The following CSMD3 variants were observed in gnomAD, a reference collection of about 807,000 sequenced individuals.
CSMD3 encodes CUB and Sushi multiple domains 3.
Under a neutral mutation model 435.2 loss-of-function variants are expected in CSMD3, and 177 were observed. That is an observed-to-expected ratio of 0.41 (90% CI 0.36 to 0.46). The LOEUF (loss-of-function observed/expected upper bound fraction) is 0.46. CSMD3 is among the 20% of genes least tolerant of loss of function. The probability of loss-of-function intolerance (pLI) is 0.34; values close to 1 mark genes in which losing one functional copy is unlikely to be tolerated. For missense variants in CSMD3, 4,265 were observed against 4,504.6 expected, an observed-to-expected ratio of 0.95 and a Z score of 1.52; for synonymous variants, 1,656 against 1,520.5, an observed-to-expected ratio of 1.09 and a Z score of -2.07.
At chr8:112,570,522 T>C (rs6981125) in intron 24 of CSMD3, among the ~76,000 whole-genome samples, 35,587 of 152,122 alleles carry the variant, frequency 0.23, 4,596 homozygotes, top group East Asian at 0.47. Flanking sequence ...CAGTAGGACA[T>C]GCACAAAATA....
chr8:112,293,506 A>G (rs1302759972), intron 54 of CSMD3, among the ~76,000 whole-genome samples: 1 of 152,116 alleles, frequency 6.6e-6, no homozygotes, highest in African/African-American at 2.4e-5. Flanking sequence ...GAAAATAGAA[A>G]ATGATACACA....
intron 27 of CSMD3, among the ~76,000 whole-genome samples, chr8:112,533,318 A>C (rs1825722092): frequency 6.6e-6 from 1 of 152,064 alleles, no homozygotes; most frequent in Non-Finnish European, 1.5e-5. Flanking sequence ...TTCAATTGAA[A>C]AACAAAGTGG....
intron 18 of CSMD3, among the ~76,000 whole-genome samples, chr8:112,651,625 C>T (rs1283730283): frequency 3.3e-5 from 5 of 151,520 alleles, no homozygotes; most frequent in African/African-American, 1.2e-4. Context: ...GTGACCTTCA[C>T]CTGCCGGGTT....
At chr8:112,643,259 TC>T (rs35743990) in intron 20 of CSMD3, among the ~76,000 whole-genome samples, 1 of 152,056 alleles carries the variant, frequency 6.6e-6, no homozygotes, top group Admixed American at 6.6e-5. Context: ...GAGGAATTTG[TC>T]CCAAGGAGTA....
chr8:112,305,488 T>C (rs1448923752), intron 51 of CSMD3, among the ~76,000 whole-genome samples: 1 of 152,096 alleles, frequency 6.6e-6, no homozygotes, highest in African/African-American at 2.4e-5. Context: ...ACCAAATCTT[T>C]ACCAGAATTA....
chr8:113,158,289 G>A (rs1034633443), intron 4 of CSMD3, among the ~76,000 whole-genome samples: 5 of 152,002 alleles, frequency 3.3e-5, no homozygotes, highest in Admixed American at 6.6e-5. Flanking sequence ...CATGAGTGTA[G>A]GGGCAGCAAA....
intron 13 of CSMD3, among the ~76,000 whole-genome samples, chr8:112,755,871 A>C (rs917198423): frequency 6.7e-6 from 1 of 149,494 alleles, no homozygotes; most frequent in African/African-American, 2.4e-5. Flanking sequence ...CAAGGAAGAA[A>C]ATACTTATAA....
rs1412647110 is a variant in CSMD3, at chr8:112,494,480, TTGTTTCTTTCTCTC to T, written c.5084-1811_5084-1798del. Among the ~76,000 whole-genome samples, 158 of 104,950 alleles carry T rather than the reference TTGTTTCTTTCTCTC, an allele frequency of 1.5e-3. 6 individuals are homozygous for T. Among genetic ancestry groups the T allele is most frequent in the Middle Eastern group, 8.1e-3 (1 of 124 alleles). 68.9% of individuals were successfully genotyped at this position (104,950 alleles called of 152,430 possible). On this transcript the variant is annotated intron_variant, in intron 30 of 70. Coordinates refer to ENST00000297405, the MANE Select transcript of CSMD3 (RefSeq NM_198123.2). ...TTCTCTCCTTTCTCTTTCTTTTCTT[TTGTTTCTTTCTCTC>T]CTTTCTTTCTTTCTTTCTTTCTTTC... is the stretch of plus-strand genomic sequence containing the variant.
At chr8:112,529,337 C>T (rs111731023) in intron 27 of CSMD3, among the ~76,000 whole-genome samples, 2 of 152,126 alleles carry the variant, frequency 1.3e-5, no homozygotes, top group African/African-American at 4.8e-5. Flanking sequence ...GTGGCTCACA[C>T]CTATAATCCT....
chr8:112,487,895 C>T (rs1820296563), intron 31 of CSMD3, among the ~76,000 whole-genome samples: 1 of 152,074 alleles, frequency 6.6e-6, no homozygotes, highest in East Asian at 1.9e-4. Context: ...TTCAGTATGA[C>T]TGTATATAAG....
chr8:112,370,196 G>T (rs1259900333), intron 38 of CSMD3, among the ~76,000 whole-genome samples: 1 of 152,006 alleles, frequency 6.6e-6, no homozygotes, highest in Admixed American at 6.6e-5. Context: ...TCATTGTTTT[G>T]TTTTGTTTTT....
chr8:113,310,130 T>G (rs531746483), intron 2 of CSMD3: 1 of 152,274 alleles, frequency 6.6e-6, no homozygotes, highest in South Asian at 2.1e-4. Context: ...TAAAAGTTTT[T>G]GTACTCAAGT....
chr8:113,188,114 G>A (rs1046552834), intron 3 of CSMD3, among the ~76,000 whole-genome samples: 4 of 151,900 alleles, frequency 2.6e-5, no homozygotes, highest in East Asian at 1.9e-4. Flanking sequence ...CACACAGGAA[G>A]CAATAGTTTT....
At chr8:112,974,596 T>C (rs1350009372) in intron 7 of CSMD3, among the ~76,000 whole-genome samples, 3 of 151,844 alleles carry the variant, frequency 2.0e-5, no homozygotes, top group Non-Finnish European at 2.9e-5. Context: ...TTATAAATGG[T>C]AATATTTATA....
chr8:113,337,920 G>C (rs955470705), intron 1 of CSMD3, among the ~76,000 whole-genome samples: 2 of 151,782 alleles, frequency 1.3e-5, no homozygotes, highest in Non-Finnish European at 2.9e-5. Flanking sequence ...TCCATAATAT[G>C]TATTTGAAAA....
chr8:113,085,482 G>A (rs540899814), intron 5 of CSMD3, among the ~76,000 whole-genome samples: 2 of 152,140 alleles, frequency 1.3e-5, no homozygotes, highest in Non-Finnish European at 2.9e-5. Context: ...GCATCTTCAT[G>A]TGTACTGCAG....
intron 13 of CSMD3, among the ~76,000 whole-genome samples, chr8:112,770,288 G>A (rs1210470008): frequency 2.0e-5 from 3 of 151,942 alleles, no homozygotes; most frequent in Non-Finnish European, 2.9e-5. Context: ...TTTAATGCCT[G>A]TGTAAAAAAG....
At chr8:112,496,110 C>T (rs1821312780) in intron 30 of CSMD3, among the ~76,000 whole-genome samples, 1 of 152,000 alleles carries the variant, frequency 6.6e-6, no homozygotes, top group Admixed American at 6.6e-5. Context: ...GCTGGGACTA[C>T]AGGAGCCCGC....
intron 1 of CSMD3, among the ~76,000 whole-genome samples, chr8:113,345,352 C>T (rs563994952): frequency 6.6e-6 from 1 of 152,134 alleles, no homozygotes; most frequent in Admixed American, 6.6e-5. Flanking sequence ...ATGGAACTGC[C>T]TTATTGCTCA....
Sources: allele counts gnomAD v4.1 joint callset (sites outside exome capture counted in the v4.1 genomes callset), GRCh38; gene constraint gnomAD v4.1.1; transcripts MANE v1.5; gene names NCBI Gene and HGNC (gene_info 2026-07-23, HGNC 2026-07-21).